Variants in BBS9 observed in about 807,000 individuals in gnomAD.
BBS9 encodes the protein protein PTHB1.
Under a neutral mutation model 117.7 loss-of-function variants are expected in BBS9, and 89 were observed. That is an observed-to-expected ratio of 0.76 (90% CI 0.64 to 0.90). The LOEUF is 0.90. Ranked by LOEUF, BBS9 falls within the 40% of genes least tolerant of loss-of-function variation. The pLI is 0.00. For missense variants in BBS9, 982 were observed against 1,042.2 expected (o/e 0.94, Z 0.80); for synonymous variants, 379 against 370.9 (o/e 1.02, Z -0.25).
intron 19 of BBS9, among the ~76,000 whole-genome samples, chr7:33,408,426 C>T (rs1466350586): frequency 6.6e-6 from 1 of 152,146 alleles, no homozygotes; most frequent in African/African-American, 2.4e-5. Context: ...TTCGCTGGTG[C>T]ACGGTGTGCT....
chr7:33,219,112 C>A (rs1439968275), intron 5 of BBS9, among the ~76,000 whole-genome samples: 1 of 152,214 alleles, frequency 6.6e-6, no homozygotes, highest in Non-Finnish European at 1.5e-5. Context: ...AGGGGCTTAG[C>A]ACCCAGGCCA....
intron 17 of BBS9, among the ~76,000 whole-genome samples, chr7:33,375,245 A>G (rs1584546677): frequency 6.6e-6 from 1 of 152,150 alleles, no homozygotes. Context: ...CTGAGCTACT[A>G]TTGCAAGATA....
At chr7:33,424,291 T>A (rs1338741958) in intron 19 of BBS9, among the ~76,000 whole-genome samples, 1 of 152,200 alleles carries the variant, frequency 6.6e-6, no homozygotes, top group Admixed American at 6.5e-5. Flanking sequence ...AACTCTTCCT[T>A]TTCCAAAGAA....
Position 33,274,062 on chromosome 7 carries a change from G to C in BBS9, c.1016+106G>C, listed in dbSNP as rs1037593328. The C allele has an allele frequency of 1.0e-5, 13 of 1,252,210 alleles. No homozygotes were observed. In the Admixed American group the frequency reaches 1.8e-4, roughly 17 times the overall value. 77.6% of individuals were successfully genotyped at this position (1,252,210 alleles called of 1,614,324 possible). A position where few individuals can be genotyped will look rare whatever the true frequency, so the allele number is the denominator to read the frequency against. On this transcript the variant is annotated intron_variant, in intron 9 of 22. Coordinates refer to ENST00000242067, the MANE Select transcript of BBS9 (RefSeq NM_198428.3). ...GTGATTTTATTAAAAAATTACAGGT[G>C]ACATTGTAGTATGAATGTCAATAAT...
chr7:33,386,228 A>G (rs1825985296), intron 18 of BBS9, among the ~76,000 whole-genome samples: 1 of 152,148 alleles, frequency 6.6e-6, no homozygotes. Context: ...TTAAAATTTC[A>G]AGTTACTTTT....
intron 12 of BBS9, 119 bp from the exon 13 acceptor site, chr7:33,348,949 T>G (rs969527573): frequency 6.1e-5 from 43 of 709,896 alleles, no homozygotes; most frequent in Non-Finnish European, 8.2e-5. Flanking sequence ...TTGTGACTAC[T>G]CATTTTTTCC....
intron 19 of BBS9, among the ~76,000 whole-genome samples, chr7:33,406,532 A>C (rs1404352561): frequency 6.6e-6 from 1 of 151,708 alleles, no homozygotes; most frequent in Non-Finnish European, 1.5e-5. Flanking sequence ...CCTAGTCTCG[A>C]TGGTCTTTAC....
Position 33,336,450 on chromosome 7 carries a change from G to C in BBS9, c.1026G>C (p.Lys342Asn), listed in dbSNP as rs1449798570. Residue 342 changes from lysine (K) to asparagine (N), a missense_variant, in exon 10 of 23, where the codon AAG (lysine) becomes AAC (asparagine). Transcript: ENST00000242067. ...AVRVGCLHDL[K>N]GVIVTLSDDG... is the part of the protein sequence containing the mutation. ...CTCTTCCTTATTGTAGTGATTTAAA[G>C]GGAGTGATAGTCACTCTGAGTGATG... 1 of 1,613,124 alleles carries C rather than the reference G, an allele frequency of 6.2e-7. No homozygotes were observed. The highest frequency in any genetic ancestry group is 2.2e-5 in the East Asian group (1 of 44,836).
intron 21 of BBS9, among the ~76,000 whole-genome samples, chr7:33,552,103 TAAAAG>T (rs749017951): frequency 6.6e-6 from 1 of 152,264 alleles, no homozygotes; most frequent in African/African-American, 2.4e-5. Flanking sequence ...TTTTGTGACA[TAAAAG>T]AATTTTCATA....
At chr7:33,518,628 A>T (rs921955998) in intron 20 of BBS9, among the ~76,000 whole-genome samples, 1 of 151,826 alleles carries the variant, frequency 6.6e-6, no homozygotes, top group Non-Finnish European at 1.5e-5. Context: ...GAAGAAAAAA[A>T]CCCCCCATAG....
intron 19 of BBS9, among the ~76,000 whole-genome samples, chr7:33,485,620 T>TA (rs1301756198): frequency 6.6e-6 from 1 of 152,038 alleles, no homozygotes; most frequent in African/African-American, 2.4e-5. Flanking sequence ...AAAGTTGTTT[T>TA]AAAAAAAGGC....
intron 5 of BBS9, among the ~76,000 whole-genome samples, chr7:33,199,152 C>T (rs777652670): frequency 6.6e-6 from 1 of 151,984 alleles, no homozygotes; most frequent in Non-Finnish European, 1.5e-5. Flanking sequence ...TTGGCTCCAT[C>T]ATTCATCCCT....
intron 19 of BBS9, among the ~76,000 whole-genome samples, chr7:33,492,265 A>AAAT (rs1336778749): frequency 2.0e-5 from 3 of 151,638 alleles, no homozygotes; most frequent in South Asian, 2.1e-4. Flanking sequence ...AGGGAATAAT[A>AAAT]AATAATAATA....
intron 18 of BBS9, 46 bp downstream of exon 18, chr7:33,383,884 G>A (rs1417250021): frequency 6.4e-7 from 1 of 1,573,414 alleles, no homozygotes; most frequent in East Asian, 2.2e-5. Flanking sequence ...TTAAATATAT[G>A]AAAGAGAAAT....
chr7:33,534,086 CAT>C lies in BBS9; in HGVS notation c.2434_2435del (p.Ile812HisfsTer6), dbSNP rs1378668082. 4 of 1,614,084 alleles carry C rather than the reference CAT, an allele frequency of 2.5e-6. No individual in the cohort carries two copies. Among genetic ancestry groups the C allele is most frequent in the African/African-American group, 1.3e-5 (1 of 74,918 alleles). On this transcript the variant is annotated frameshift_variant, in exon 21 of 23. Coordinates refer to ENST00000242067, the MANE Select transcript of BBS9 (RefSeq NM_198428.3). LOFTEE classifies it high-confidence loss of function. ...CAAAGACACAAGCCAACTGAAGAAA[CAT>C]ATCACCTTGCTCTGCGATAGATTAT... Reference protein sequence around the residue: ...IPKDTSQLKKHITLLCDRLSK... With the variant: ...IPKDTSQLKKXITLLCDRLSK...
intron 20 of BBS9, among the ~76,000 whole-genome samples, chr7:33,519,971 A>G (rs1014780100): frequency 6.6e-6 from 1 of 151,976 alleles, no homozygotes; most frequent in Non-Finnish European, 1.5e-5. Context: ...AATTGAAATA[A>G]TATTTGTAAG....
chr7:33,146,177 A>G (rs1584136217), intron 1 of BBS9, 65 bp from the exon 2 acceptor site: 4 of 1,113,908 alleles, frequency 3.6e-6, no homozygotes, highest in East Asian at 2.4e-5. Flanking sequence ...TTAATTTGCT[A>G]TGCCTTAAGA....
intron 19 of BBS9, among the ~76,000 whole-genome samples, chr7:33,424,784 T>A (rs1833408253): frequency 6.6e-6 from 1 of 152,088 alleles, no homozygotes; most frequent in South Asian, 2.1e-4. Flanking sequence ...GAAATGGAAA[T>A]GTACTTCCTT....
intron 19 of BBS9, among the ~76,000 whole-genome samples, chr7:33,417,013 A>G (rs1832116621): frequency 6.6e-6 from 1 of 152,198 alleles, no homozygotes; most frequent in Non-Finnish European, 1.5e-5. Flanking sequence ...ACAAAATGTA[A>G]TTGAAATGGT....
Sources: allele counts gnomAD v4.1 joint callset (sites outside exome capture counted in the v4.1 genomes callset), GRCh38; gene constraint gnomAD v4.1.1; transcripts MANE v1.5; gene names NCBI Gene and HGNC (gene_info 2026-07-23, HGNC 2026-07-21).